ACOX3: variants seen among roughly 807,000 people sequenced by gnomAD.
ACOX3 encodes acyl-CoA oxidase 3, pristanoyl, also known as peroxisomal acyl-coenzyme A oxidase 3.
Under a neutral mutation model 81.5 loss-of-function variants are expected in ACOX3, and 73 were observed. The ratio of observed to expected loss-of-function variants is 0.90; its 90% CI spans 0.74 to 1.09. ACOX3 has a LOEUF of 1.09. Ranked by LOEUF, ACOX3 falls within the 50% of genes least tolerant of loss-of-function variation. ACOX3 has a pLI of 0.00. For missense variants in ACOX3, 947 were observed against 928.0 expected (o/e 1.02, Z -0.27); for synonymous variants, 387 against 375.1 (o/e 1.03, Z -0.37).
Position 8,414,984 on chromosome 4 carries a change from T to C in ACOX3, c.379-56A>G. On this transcript the variant is annotated intron_variant, in intron 3 of 17. Coordinates refer to ENST00000356406, the MANE Select transcript of ACOX3 (RefSeq NM_003501.3). This position sits in a 1 kb window ranked among gnomAD's most constrained non-coding sequence, Gnocchi z 6.1. ...GGGCAGGTAAGAAGAGTACTGCTCT[T>C]CCGGAACATCACAACAGACAACGGC... 2.7e-6 allele frequency: 4 copies of C among 1,500,112 alleles called. No individual in the cohort carries two copies. The South Asian group carries it at 4.5e-5, about 17-fold the overall frequency. 92.9% of individuals were successfully genotyped at this position (1,500,112 alleles called of 1,614,324 possible).
chr4:8,410,291 G>C lies in ACOX3; in HGVS notation c.608C>G (p.Thr203Arg), dbSNP rs1721578225. Residue 203 changes from threonine (T) to arginine (R), a missense_variant, in exon 6 of 18, where the codon ACA becomes AGA. Coordinates refer to ENST00000356406, the MANE Select transcript of ACOX3 (RefSeq NM_003501.3). Reference protein sequence around the residue: ...AKFWVGNMGKTATHAVVFAKL... With the variant: ...AKFWVGNMGKRATHAVVFAKL... ...AGCAAACACCACCGCGTGAGTGGCT[G>C]TCTTGCCCATGTTGCCAACCCAAAA... 1 of 1,614,168 alleles carries C rather than the reference G, an allele frequency of 6.2e-7. No individual in the cohort carries two copies. The highest frequency in any genetic ancestry group is 1.1e-5 in the South Asian group (1 of 91,092).
At position 8,424,594 on chromosome 4, in the gene ACOX3, G is replaced by A. The variant is rs377189423; in HGVS notation, c.-14-8059C>T. Among the ~76,000 whole-genome samples, 22 of 152,246 alleles carry A rather than the reference G, an allele frequency of 1.4e-4. No individual in the cohort carries two copies. In the East Asian group the frequency reaches 2.9e-3, roughly 20 times the overall value. ...TGTGTGGATGTCTCATGATGTGGAC[G>A]GCATACTCACTGCTAAAGGAGACTT... On this transcript the variant is annotated intron_variant, in intron 1 of 17. Coordinates refer to ENST00000356406, the MANE Select transcript of ACOX3 (RefSeq NM_003501.3).
chr4:8,356,843 A>G, the ACOX3 span: 2 of 456,430 alleles, frequency 4.4e-6, no homozygotes, highest in South Asian at 3.1e-5. Context: ...GAGAGGAAGA[A>G]AGTGTGCAGA....
At position 8,419,798 on chromosome 4, in the gene ACOX3, C is replaced by T. The variant is rs1397702548; in HGVS notation, c.-14-3263G>A. Among the ~76,000 whole-genome samples, 2 of 152,168 alleles carry T rather than the reference C, an allele frequency of 1.3e-5. No individual in the cohort carries two copies. The highest frequency in any genetic ancestry group is 2.4e-5 in the African/African-American group (1 of 41,436). On this transcript the variant is annotated intron_variant, in intron 1 of 17. Transcript: ENST00000356406. The surrounding 1 kb of genome is among the most constrained non-coding windows in gnomAD (Gnocchi z 4.2). ...CTGAATTCAGCCTCTCAGCCCTGAC[C>T]CAGCTTCGCCTCCTGCACCCCAGTT...
Position 8,366,988 on chromosome 4 carries a change from G to A in ACOX3, c.2076C>T (p.Val692=), listed in dbSNP as rs1715526681. ...AGAGCTTCGATTTCAGACTTCCTAT[G>A]ACAGGTTTGTTCACAGAAAACTCTG... ...WWPEFSVNKP[V]IGSLKSKL is the part of the protein sequence containing the mutation. Residue 692 remains valine (V), a synonymous_variant, in exon 18 of 18, where the codon GTC becomes GTT. Transcript: ENST00000356406. 5.6e-6 allele frequency: 9 copies of A among 1,614,058 alleles called. No homozygotes were observed. The highest frequency in any genetic ancestry group is 7.6e-6 in the Non-Finnish European group (9 of 1,179,994).
chr4:8,440,169 GGACCCTTAAAGTCGTA>G (rs2109063412), intron 1 of ACOX3, among the ~76,000 whole-genome samples: 1 of 1,506 alleles, frequency 6.6e-4, no homozygotes, highest in East Asian at 0.083. Context: ...CCTTTCACGT[GGACCCTTAAAGTCGTA>G]AGCCTTTAAA....
intron 8 of ACOX3, among the ~76,000 whole-genome samples, chr4:8,397,571 CT>C (rs1427795191): frequency 2.0e-5 from 3 of 152,262 alleles, no homozygotes; most frequent in Non-Finnish European, 4.4e-5. Flanking sequence ...CCTTGTGTGC[CT>C]GTGAACAGGC....
At chr4:8,372,346 T>G (rs1191331609) in intron 16 of ACOX3, among the ~76,000 whole-genome samples, 1 of 152,106 alleles carries the variant, frequency 6.6e-6, no homozygotes, top group Non-Finnish European at 1.5e-5. Flanking sequence ...GTGATCCTCC[T>G]GCCTTGGCCT....
chr4:8,383,516 C>T (rs1234714506), intron 13 of ACOX3, among the ~76,000 whole-genome samples: 1 of 152,192 alleles, frequency 6.6e-6, no homozygotes, highest in Non-Finnish European at 1.5e-5. Context: ...GCATGATGCA[C>T]CCACAGCCAA....
chr4:8,440,583 T>G (rs577363948), intron 1 of ACOX3, 65 bp downstream of exon 1: 2 of 473,698 alleles, frequency 4.2e-6, no homozygotes, highest in East Asian at 3.6e-5. Context: ...TGATGTTTGA[T>G]TCTGTAACTA....
intron 1 of ACOX3, among the ~76,000 whole-genome samples, chr4:8,418,422 G>A (rs1722572472): frequency 7.2e-6 from 1 of 138,462 alleles, no homozygotes; most frequent in Non-Finnish European, 1.5e-5. Flanking sequence ...TTGCACCACT[G>A]CATTCCAGCC....
At chr4:8,392,547 C>T (rs1174397197) in intron 10 of ACOX3, 94 bp from the exon 11 acceptor site, 6 of 1,333,688 alleles carry the variant, frequency 4.5e-6, no homozygotes, top group Non-Finnish European at 6.0e-6. Context: ...ACCATATCAC[C>T]TCTAGTCTAA....
rs999795396 is a variant in ACOX3, at chr4:8,389,311, T to C, written c.1424-25A>G. The stretch of plus-strand genomic sequence containing the variant: ...TCTAGGACACACATTCCAGTGACTT[T>C]GGTGGAAGACAGGAACCCAAACCAT... On this transcript the variant is annotated intron_variant, in intron 12 of 17. Transcript: ENST00000356406. The surrounding 1 kb of genome is among the most constrained non-coding windows in gnomAD (Gnocchi z 5.3). 1 of 1,598,056 alleles carries C rather than the reference T, an allele frequency of 6.3e-7. No individual in the cohort carries two copies. The highest frequency in any genetic ancestry group is 8.6e-7 in the Non-Finnish European group (1 of 1,169,252).
rs983061928 is a variant in ACOX3, at chr4:8,374,881, G to C, written c.1828+97C>G. On this transcript the variant is annotated intron_variant, in intron 15 of 17. Coordinates refer to ENST00000356406, the MANE Select transcript of ACOX3 (RefSeq NM_003501.3). ...CCATCCGCCGTGCTCAGTGAGTCCC[G>C]TGGAAGGAGGACGATGGTGCAGGAA... The C allele has an allele frequency of 6.0e-5, 81 of 1,344,172 alleles. 4 individuals carry two copies. The highest frequency in any genetic ancestry group is 3.0e-6 in the Non-Finnish European group (3 of 1,013,378). The allele number at this position is 1,344,172 out of a possible 1,614,324, so 83.3% of individuals were successfully genotyped here.
chr4:8,416,612 C>T lies in ACOX3; in HGVS notation c.-14-77G>A, dbSNP rs954269257. 7 of 1,409,894 alleles carry T rather than the reference C, an allele frequency of 5.0e-6. No homozygotes were observed. The highest frequency in any genetic ancestry group is 6.6e-6 in the Non-Finnish European group (7 of 1,063,720). 87.3% of individuals were successfully genotyped at this position (1,409,894 alleles called of 1,614,324 possible). ...CTACCCCCACCAACAGGAGAGCCCGCAACACCTTACAAATCAGAGAAAAGT... is the reference window on the plus strand; with the variant it reads ...CTACCCCCACCAACAGGAGAGCCCGTAACACCTTACAAATCAGAGAAAAGT... On this transcript the variant is annotated intron_variant, in intron 1 of 17. Coordinates refer to ENST00000356406, the MANE Select transcript of ACOX3 (RefSeq NM_003501.3). The surrounding 1 kb of genome is among the most constrained non-coding windows in gnomAD (Gnocchi z 4.2).
intron 16 of ACOX3, among the ~76,000 whole-genome samples, chr4:8,372,435 C>G (rs985788016): frequency 6.6e-6 from 1 of 152,180 alleles, no homozygotes; most frequent in Non-Finnish European, 1.5e-5. Flanking sequence ...CTATGCCCCC[C>G]TCTCTGGCGA....
Position 8,367,806 on chromosome 4 carries a change from C to CAAAAAAAAAAAAAAAAAAA in ACOX3, c.1984-745_1984-727dup. ...GCAACACGGCGAAACCCCATCTTTACAAAAAAAAAAAAAAAAAAAAAAAAA... is the reference window on the plus strand; with the variant it reads ...GCAACACGGCGAAACCCCATCTTTACAAAAAAAAAAAAAAAAAAAAAAAAAAAAAAAAAAAAAAAAAAAA... On this transcript the variant is annotated intron_variant, in intron 17 of 17. Transcript: ENST00000356406. Among the ~76,000 whole-genome samples, 2 of 46,704 alleles carry CAAAAAAAAAAAAAAAAAAA rather than the reference C, an allele frequency of 4.3e-5. 1 individual carries two copies. The highest frequency in any genetic ancestry group is 8.5e-5 in the Non-Finnish European group (2 of 23,502). The allele number at this position is 46,704 out of a possible 152,430, so 30.6% of individuals were successfully genotyped here. A position where few individuals can be genotyped will look rare whatever the true frequency, so the allele number is the denominator to read the frequency against.
At chr4:8,371,712 G>A (rs1289739199) in intron 16 of ACOX3, among the ~76,000 whole-genome samples, 3 of 152,398 alleles carry the variant, frequency 2.0e-5, no homozygotes, top group East Asian at 1.9e-4. Context: ...TCTGCAGGGC[G>A]TGGCCACCTG....
chr4:8,381,481 C>G lies in ACOX3; in HGVS notation c.1653+11G>C. Reference sequence around the variant, plus strand: ...ATAATACAAAAGGGAATTTTGAAAACAAATACTTACCTGGCATTTGTTCCT... The same window carrying G: ...ATAATACAAAAGGGAATTTTGAAAAGAAATACTTACCTGGCATTTGTTCCT... On this transcript the variant is annotated intron_variant, in intron 14 of 17. Coordinates refer to ENST00000356406, the MANE Select transcript of ACOX3 (RefSeq NM_003501.3). This position sits in a 1 kb window ranked among gnomAD's most constrained non-coding sequence, Gnocchi z 4.3. 1 of 1,607,726 alleles carries G rather than the reference C, an allele frequency of 6.2e-7. No homozygotes were observed. Among genetic ancestry groups the G allele is most frequent in the Non-Finnish European group, 8.5e-7 (1 of 1,174,928 alleles).
Sources: gnomAD v4.1 joint callset for allele counts (sites outside exome capture counted in the v4.1 genomes callset) on GRCh38, gnomAD v4.1.1 for gene constraint, Gnocchi (gnomAD v3.1) non-coding constraint, MANE v1.5 for transcripts, NCBI Gene and HGNC (gene_info 2026-07-23, HGNC 2026-07-21) for gene names.